The following USP34 variants were observed in gnomAD, a reference collection of about 807,000 sequenced individuals.
The protein encoded by USP34 is ubiquitin carboxyl-terminal hydrolase 34.
Under a neutral mutation model 460.3 loss-of-function variants are expected in USP34, and 70 were observed. The observed-to-expected ratio is 0.15, with a 90% confidence interval of 0.13 to 0.19. The LOEUF is 0.19. USP34 is among the 10% of genes least tolerant of loss of function. The probability of loss-of-function intolerance (pLI) is 1.00; values close to 1 mark genes in which losing one functional copy is unlikely to be tolerated. For synonymous variants in USP34, 1,647 were observed against 1,405.3 expected, an observed-to-expected ratio of 1.17 and a Z score of -3.85; for missense variants, 3,985 against 4,236.2, an observed-to-expected ratio of 0.94 and a Z score of 1.65.
intron 33 of USP34, among the ~76,000 whole-genome samples, chr2:61,290,377 C>T (rs892494360): frequency 2.0e-5 from 3 of 152,090 alleles, no homozygotes; most frequent in Admixed American, 1.3e-4. Flanking sequence ...TACCAAATGA[C>T]CTGTATGTGA....
chr2:61,277,604 C>A (rs1248227933), intron 41 of USP34: 1 of 152,292 alleles, frequency 6.6e-6, no homozygotes, highest in Admixed American at 6.5e-5. Context: ...TAAAAACAAG[C>A]CCGTTTTATA....
intron 1 of USP34, among the ~76,000 whole-genome samples, chr2:61,424,202 G>A (rs150321001): frequency 2.8e-4 from 43 of 152,126 alleles, no homozygotes; most frequent in South Asian, 4.2e-4. Flanking sequence ...TCTACTATAC[G>A]GTGTATAAAT....
At chr2:61,365,621 AG>A (rs1241354333) in intron 10 of USP34, among the ~76,000 whole-genome samples, 1 of 152,182 alleles carries the variant, frequency 6.6e-6, no homozygotes, top group Admixed American at 6.5e-5. Flanking sequence ...GGAGTAAGGA[AG>A]AAAGGAATGA....
Position 61,188,397 on chromosome 2 carries a change from T to G in USP34, c.10346A>C (p.Glu3449Ala), listed in dbSNP as rs754504021. The change falls in exon 80 of 80, where the codon GAA becomes GCA. Residue 3449 changes from glutamate to alanine, a missense_variant. This residue lies in a region of USP34 where 506 missense variants were observed against 439.0 expected (regional missense o/e 1.15). Transcript: ENST00000398571. ...SNNGRYDDCK[E>A]FKDLHCSKDS... ...CTTGGAACAGTGGAGGTCTTTAAAT[T>G]CTTTACAATCGTCATATCTACCATT... 1.1e-5 allele frequency: 17 copies of G among 1,614,168 alleles called. No individual in the cohort carries two copies. Among genetic ancestry groups the G allele is most frequent in the Middle Eastern group, 3.3e-4 (2 of 6,046 alleles).
intron 68 of USP34, among the ~76,000 whole-genome samples, chr2:61,212,208 A>C (rs1456527930): frequency 6.6e-6 from 1 of 152,250 alleles, no homozygotes; most frequent in Non-Finnish European, 1.5e-5. Flanking sequence ...CTCTGTCTCT[A>C]CTAAAATACA....
intron 15 of USP34, among the ~76,000 whole-genome samples, chr2:61,347,383 C>G (rs764415686): frequency 6.6e-6 from 1 of 151,772 alleles, no homozygotes; most frequent in Admixed American, 6.6e-5. Flanking sequence ...TGTTGTTGTT[C>G]AACGTTTTGC....
chr2:61,278,398 A>T lies in USP34; in HGVS notation c.5302T>A (p.Cys1768Ser). ...LDALARHLAD[C>S]IRSREILDHQ... ...CACATCAAATTTTACCTTCGAATAC[A>T]GTCAGCCAAATGTCTTGCCAAGGCA... is the stretch of plus-strand genomic sequence containing the variant. The change falls in exon 40 of 80, where the codon TGT becomes AGT. Residue 1768 changes from cysteine (C) to serine (S), a missense_variant. Around this residue, in one of 14 missense-constraint regions of USP34, gnomAD observed 1,114 missense variants for 1,122.5 expected, o/e 0.99. Transcript: ENST00000398571. The T allele has an allele frequency of 1.9e-6, 3 of 1,606,792 alleles. No homozygotes were observed. The highest frequency in any genetic ancestry group is 2.5e-6 in the Non-Finnish European group (3 of 1,177,590).
intron 41 of USP34, among the ~76,000 whole-genome samples, chr2:61,273,665 C>T (rs982382702): frequency 1.3e-5 from 2 of 152,088 alleles, no homozygotes; most frequent in Admixed American, 6.5e-5. Context: ...TTACAGTGAG[C>T]CACTGCACCA....
intron 76 of USP34, chr2:61,190,920 A>G (rs1572820839): frequency 3.1e-6 from 1 of 326,354 alleles, no homozygotes; most frequent in East Asian, 5.9e-5. Context: ...AATGTTTTAA[A>G]AGAAATGCAG....
chr2:61,216,061 A>C (rs1283137773), intron 67 of USP34, among the ~76,000 whole-genome samples: 1 of 152,212 alleles, frequency 6.6e-6, no homozygotes, highest in African/African-American at 2.4e-5. Context: ...TGTATTGTCA[A>C]AGCAAACAAA....
intron 15 of USP34, among the ~76,000 whole-genome samples, chr2:61,345,651 T>TA (rs1299157378): frequency 6.6e-6 from 1 of 152,250 alleles, no homozygotes; most frequent in Non-Finnish European, 1.5e-5. Flanking sequence ...ATTTTATTTT[T>TA]AGAGACAGAG....
chr2:61,329,589 T>G (rs1691200129), intron 20 of USP34, among the ~76,000 whole-genome samples: 2 of 152,126 alleles, frequency 1.3e-5, no homozygotes, highest in South Asian at 4.1e-4. Flanking sequence ...CTGGAAAGGT[T>G]GAGTTGAGTT....
At chr2:61,341,482 A>T (rs1691595784) in intron 16 of USP34, among the ~76,000 whole-genome samples, 1 of 152,176 alleles carries the variant, frequency 6.6e-6, no homozygotes, top group Non-Finnish European at 1.5e-5. Context: ...CAGATCCCTC[A>T]TGAATGTCTT....
intron 16 of USP34, 69 bp downstream of exon 16, chr2:61,343,746 T>A: frequency 6.7e-7 from 1 of 1,501,036 alleles, no homozygotes; most frequent in East Asian, 2.3e-5. Context: ...TTGAGTCCTT[T>A]CAACAAAGTA....
At chr2:61,467,621 T>TTG (rs1553397170) in intron 1 of USP34, among the ~76,000 whole-genome samples, 4 of 142,314 alleles carry the variant, frequency 2.8e-5, no homozygotes, top group African/African-American at 1.1e-4. Flanking sequence ...AACTTTGTTT[T>TTG]TTTTTTTTTT....
Position 61,301,095 on chromosome 2 carries a change from T to C in USP34, c.3984A>G (p.Ala1328=), listed in dbSNP as rs777791753. 1 of 1,614,106 alleles carries C rather than the reference T, an allele frequency of 6.2e-7. No homozygotes were observed. The highest frequency in any genetic ancestry group is 8.5e-7 in the Non-Finnish European group (1 of 1,180,016). The change falls in exon 29 of 80, where the codon GCA becomes GCG. Residue 1328 remains alanine, a synonymous_variant. Coordinates refer to ENST00000398571, the MANE Select transcript of USP34 (RefSeq NM_014709.4). ...CCTTCTGAGGGGGTGGGAGGCAAGA[T>C]GCTGGCAGCTGAACACCTTCCCCTT... is the stretch of plus-strand genomic sequence containing the variant. ...ERKGEGVQLP[A]SCLPPPQKDN...
intron 1 of USP34, among the ~76,000 whole-genome samples, chr2:61,442,101 C>CCT (rs1004455012): frequency 2.2e-4 from 33 of 152,200 alleles, no homozygotes; most frequent in African/African-American, 7.0e-4. Flanking sequence ...TACCCTCACT[C>CCT]CTCTACATAA....
At chr2:61,437,815 A>AAATAAAT (rs1276670272) in intron 1 of USP34, among the ~76,000 whole-genome samples, 1 of 149,854 alleles carries the variant, frequency 6.7e-6, no homozygotes, top group African/African-American at 2.5e-5. Context: ...ATAAATAAAT[A>AAATAAAT]AAAAACCTGA....
At chr2:61,295,508 T>C (rs1445772529) in intron 30 of USP34, among the ~76,000 whole-genome samples, 3 of 152,156 alleles carry the variant, frequency 2.0e-5, no homozygotes, top group African/African-American at 7.2e-5. Flanking sequence ...ATAAAATTCA[T>C]ATACAAACAG....
Sources: gnomAD v4.1 joint callset for allele counts (sites outside exome capture counted in the v4.1 genomes callset) on GRCh38, gnomAD v4.1.1 for gene constraint, gnomAD v4.1.1 regional missense constraint, MANE v1.5 for transcripts, NCBI Gene and HGNC (gene_info 2026-07-23, HGNC 2026-07-21) for gene names.